Variants in BICC1 observed in about 807,000 individuals in gnomAD.
BICC1 encodes the protein protein bicaudal C homolog 1.
Under a neutral mutation model 111.0 loss-of-function variants are expected in BICC1, and 43 were observed. The observed-to-expected ratio is 0.39, with a 90% CI of 0.30 to 0.50. The LOEUF (loss-of-function observed/expected upper bound fraction) is 0.50, where lower values mean the gene tolerates loss of function less well. Ranked by LOEUF, BICC1 falls within the 20% of genes least tolerant of loss-of-function variation. The pLI, the probability that BICC1 is intolerant of heterozygous loss-of-function variation, is 0.88. For missense variants in BICC1, 1,091 were observed against 1,203.2 expected (o/e 0.91, Z 1.38); for synonymous variants, 467 against 434.4 (o/e 1.07, Z -0.93).
chr10:58,620,489 T>C (rs1332312064), intron 1 of BICC1, among the ~76,000 whole-genome samples: 2 of 152,218 alleles, frequency 1.3e-5, no homozygotes, highest in African/African-American at 4.8e-5. Context: ...TCTTTGTGCC[T>C]GGGATTGATC....
At chr10:58,817,942 A>G (rs1243342153) in intron 19 of BICC1, among the ~76,000 whole-genome samples, 1 of 152,184 alleles carries the variant, frequency 6.6e-6, no homozygotes, top group Non-Finnish European at 1.5e-5. Context: ...ACTTGCAGAA[A>G]AATGTACAAT....
intron 3 of BICC1, among the ~76,000 whole-genome samples, chr10:58,772,283 T>C (rs1842640226): frequency 6.6e-6 from 1 of 152,014 alleles, no homozygotes; most frequent in African/African-American, 2.4e-5. Context: ...CACAAGATTT[T>C]TTTTTAAAAA....
chr10:58,645,992 A>G (rs1371653380), intron 2 of BICC1, among the ~76,000 whole-genome samples: 1 of 151,978 alleles, frequency 6.6e-6, no homozygotes, highest in Non-Finnish European at 1.5e-5. Context: ...ACTTTGCTGG[A>G]TGAATTTGGA....
chr10:58,754,753 G>GGTGT (rs1285983688), intron 3 of BICC1, among the ~76,000 whole-genome samples: 9 of 115,568 alleles, frequency 7.8e-5, no homozygotes, highest in East Asian at 2.5e-4. Flanking sequence ...TGTGAGGGGG[G>GGTGT]GTGTGTATGT....
At chr10:58,814,045 G>A (rs1398508261) in intron 18 of BICC1, 59 bp downstream of exon 18, 2 of 1,591,812 alleles carry the variant, frequency 1.3e-6, no homozygotes, top group South Asian at 1.1e-5. Context: ...GTGTTTATTT[G>A]GGTTGGAGTA....
intron 9 of BICC1, 73 bp from the exon 10 acceptor site, chr10:58,796,267 C>T (rs747469589): frequency 4.6e-6 from 6 of 1,306,264 alleles, no homozygotes; most frequent in Non-Finnish European, 5.4e-6. Context: ...TCATTTTCCA[C>T]CTCCCTCCCC....
chr10:58,726,138 A>C (rs1205236100), intron 3 of BICC1, among the ~76,000 whole-genome samples: 3 of 152,202 alleles, frequency 2.0e-5, no homozygotes. Flanking sequence ...TTCCCTTGTC[A>C]TTTAAAATTG....
At chr10:58,536,009 C>A (rs2131868051) in intron 1 of BICC1, among the ~76,000 whole-genome samples, 1 of 150,670 alleles carries the variant, frequency 6.6e-6, no homozygotes, top group South Asian at 2.1e-4. Flanking sequence ...TAAAAGGATC[C>A]AATTCATGAA....
At chr10:58,537,382 C>T (rs377568182) in intron 1 of BICC1, among the ~76,000 whole-genome samples, 25 of 151,142 alleles carry the variant, frequency 1.7e-4, no homozygotes, top group African/African-American at 4.6e-4. Flanking sequence ...GGTTTTATTC[C>T]GACTTTTTCT....
Position 58,685,135 on chromosome 10 carries a change from T to G in BICC1, c.238-16939T>G, listed in dbSNP as rs566906510. Among the ~76,000 whole-genome samples the G allele has an allele frequency of 7.2e-5, 11 of 152,276 alleles. No homozygotes were observed. The East Asian group carries it at 2.1e-3, about 29-fold the overall frequency. ...CCTTCATTTTGTTATGTACCCAGTTTTCATTCAGGAGCAGGTTGTTCAGTT... is the reference window on the plus strand; with the variant it reads ...CCTTCATTTTGTTATGTACCCAGTTGTCATTCAGGAGCAGGTTGTTCAGTT... On this transcript the variant is annotated intron_variant, in intron 2 of 20. Transcript: ENST00000373886.
intron 3 of BICC1, among the ~76,000 whole-genome samples, chr10:58,779,607 C>A (rs1842832911): frequency 6.6e-6 from 1 of 152,162 alleles, no homozygotes; most frequent in Non-Finnish European, 1.5e-5. Flanking sequence ...CAGCAGTGAT[C>A]TAACTGAATT....
chr10:58,723,890 C>A (rs867525894), intron 3 of BICC1, among the ~76,000 whole-genome samples: 35 of 152,140 alleles, frequency 2.3e-4, no homozygotes, highest in African/African-American at 8.0e-4. Flanking sequence ...TTTGGCAATT[C>A]TCAGCATCTT....
intron 1 of BICC1, among the ~76,000 whole-genome samples, chr10:58,618,417 A>G (rs1341868242): frequency 6.6e-6 from 1 of 152,240 alleles, no homozygotes; most frequent in African/African-American, 2.4e-5. Context: ...GCTTGGAGCC[A>G]CTATTGTCTG....
rs1432077272 is a variant in BICC1, at chr10:58,585,643, A to G, written c.191-35212A>G. On this transcript the variant is annotated intron_variant, in intron 1 of 20. Transcript: ENST00000373886. ...CTCCCTCCTCCCCCAGAAAAACCTT[A>G]TACTTCCCCTTTTCTTTAATAAGAA... Among the ~76,000 whole-genome samples, 3 of 152,082 alleles carry G rather than the reference A, an allele frequency of 2.0e-5. No homozygotes were observed. In the East Asian group the frequency reaches 5.8e-4, roughly 29 times the overall value.
At chr10:58,651,365 G>A (rs148793001) in intron 2 of BICC1, among the ~76,000 whole-genome samples, 250 of 152,258 alleles carry the variant, frequency 1.6e-3, no homozygotes, top group African/African-American at 5.8e-3. Context: ...ATGAAAAACC[G>A]CCGGGGAAAC....
chr10:58,623,862 C>T (rs932892073), intron 2 of BICC1, among the ~76,000 whole-genome samples: 2 of 151,818 alleles, frequency 1.3e-5, no homozygotes, highest in Non-Finnish European at 2.9e-5. Context: ...TGTAGTCTTA[C>T]CTAATAGCAA....
intron 2 of BICC1, among the ~76,000 whole-genome samples, chr10:58,695,390 C>G (rs1252047276): frequency 6.6e-6 from 1 of 152,120 alleles, no homozygotes; most frequent in African/African-American, 2.4e-5. Context: ...AGGGACAGAC[C>G]TTATTTCTCT....
At chr10:58,630,846 C>T (rs1415645093) in intron 2 of BICC1, among the ~76,000 whole-genome samples, 1 of 152,062 alleles carries the variant, frequency 6.6e-6, no homozygotes, top group African/African-American at 2.4e-5. Flanking sequence ...GAGCAGTGCT[C>T]TTTATATAAA....
At chr10:58,703,122 CTTGAA>C (rs1373702337) in intron 3 of BICC1, among the ~76,000 whole-genome samples, 1 of 147,718 alleles carries the variant, frequency 6.8e-6, no homozygotes, top group African/African-American at 2.5e-5. Context: ...GTTAGCTGGA[CTTGAA>C]TTGACTGGAA....
Sources: gnomAD v4.1 joint callset for allele counts (sites outside exome capture counted in the v4.1 genomes callset) on GRCh38, gnomAD v4.1.1 for gene constraint, MANE v1.5 for transcripts, NCBI Gene and HGNC (gene_info 2026-07-23, HGNC 2026-07-21) for gene names.